Variants in FOXP2 observed in about 807,000 individuals in gnomAD.
FOXP2 encodes forkhead box P2.
FOXP2 carries 12 observed loss-of-function variants against 115.8 expected under a neutral mutation model. The ratio of observed to expected loss-of-function variants is 0.10; its 90% CI spans 0.07 to 0.17. The LOEUF is 0.17. Among genes scored for constraint, FOXP2 ranks in the 10% least tolerant of loss-of-function variants. The probability of loss-of-function intolerance (pLI) is 1.00; values close to 1 mark genes in which losing one functional copy is unlikely to be tolerated. For synonymous variants in FOXP2, 328 were observed against 297.7 expected, an observed-to-expected ratio of 1.10 and a Z score of -1.05; for missense variants, 629 against 843.5, an observed-to-expected ratio of 0.75 and a Z score of 3.15.
intron 1 of FOXP2, among the ~76,000 whole-genome samples, chr7:114,100,696 C>G (rs890099229): frequency 2.0e-5 from 3 of 152,042 alleles, no homozygotes; most frequent in African/African-American, 7.2e-5. Flanking sequence ...AAGAATAGAG[C>G]CTTTTTCATT....
intron 2 of FOXP2, among the ~76,000 whole-genome samples, chr7:114,293,354 T>C (rs1440877281): frequency 6.6e-6 from 1 of 152,132 alleles, no homozygotes; most frequent in Non-Finnish European, 1.5e-5. Context: ...TGACTTGCTC[T>C]GGGGGAGGCT....
chr7:114,534,141 C>G (rs543209578), intron 2 of FOXP2, among the ~76,000 whole-genome samples: 1 of 151,970 alleles, frequency 6.6e-6, no homozygotes, highest in African/African-American at 2.4e-5. Flanking sequence ...TGTTTTTAAT[C>G]TTTAGTGAAA....
chr7:114,574,166 G>A (rs1488940457), intron 3 of FOXP2, among the ~76,000 whole-genome samples: 3 of 151,624 alleles, frequency 2.0e-5, no homozygotes. Flanking sequence ...ATCTTTATGT[G>A]AAAATTGTGA....
intron 2 of FOXP2, among the ~76,000 whole-genome samples, chr7:114,377,081 ATAT>A (rs1223639916): frequency 6.6e-6 from 1 of 152,146 alleles, no homozygotes; most frequent in Non-Finnish European, 1.5e-5. Flanking sequence ...TTATTAAATA[ATAT>A]TATTATTAAT....
chr7:114,559,189 C>G (rs1800620980), intron 3 of FOXP2, among the ~76,000 whole-genome samples: 2 of 152,286 alleles, frequency 1.3e-5, no homozygotes, highest in South Asian at 4.1e-4. Flanking sequence ...ATAACTATAT[C>G]ACTTACAGGA....
chr7:114,230,957 A>G (rs1250423380), intron 1 of FOXP2, among the ~76,000 whole-genome samples: 1 of 135,744 alleles, frequency 7.4e-6, no homozygotes, highest in Non-Finnish European at 1.6e-5. Flanking sequence ...GATCTCATAT[A>G]TAGAAAACCC....
At chr7:114,343,967 G>T in intron 2 of FOXP2, among the ~76,000 whole-genome samples, 1 of 149,730 alleles carries the variant, frequency 6.7e-6, no homozygotes, top group Non-Finnish European at 1.5e-5. Flanking sequence ...CCTCATGAGA[G>T]CAGGGATTTT....
intron 1 of FOXP2, among the ~76,000 whole-genome samples, chr7:114,273,676 G>C (rs1348098837): frequency 6.6e-6 from 1 of 151,904 alleles, no homozygotes; most frequent in Non-Finnish European, 1.5e-5. Context: ...TTAGAGAATT[G>C]ACCCCTTTAA....
At chr7:114,652,416 C>A in intron 9 of FOXP2, 126 bp downstream of exon 9, 1 of 792,886 alleles carries the variant, frequency 1.3e-6, no homozygotes, top group South Asian at 1.5e-5. Context: ...AATGGAGATA[C>A]ATGATATTTT....
intron 13 of FOXP2, among the ~76,000 whole-genome samples, chr7:114,660,845 A>G (rs979917697): frequency 1.3e-5 from 2 of 152,162 alleles, no homozygotes; most frequent in Non-Finnish European, 2.9e-5. Context: ...GAAATGAAAG[A>G]TGATTTAATA....
intron 1 of FOXP2, among the ~76,000 whole-genome samples, chr7:114,123,982 CA>C (rs1343124177): frequency 2.6e-5 from 4 of 151,954 alleles, no homozygotes; most frequent in Admixed American, 2.0e-4. Context: ...GAAGAATTTA[CA>C]AAAGAGCCTG....
At chr7:114,463,413 A>G (rs546429608) in intron 2 of FOXP2, among the ~76,000 whole-genome samples, 40 of 152,370 alleles carry the variant, frequency 2.6e-4, no homozygotes, top group African/African-American at 9.1e-4. Flanking sequence ...TGAGCCCATG[A>G]AAGTGGCCAA....
intron 2 of FOXP2, among the ~76,000 whole-genome samples, chr7:114,348,296 C>T (rs1791396290): frequency 1.3e-5 from 2 of 152,126 alleles, no homozygotes; most frequent in South Asian, 2.1e-4. Context: ...GCTCACCAAG[C>T]TCACCATTCT....
chr7:114,538,278 G>T, intron 3 of FOXP2: 1 of 1,208,506 alleles, frequency 8.3e-7, no homozygotes. Flanking sequence ...ACTTAATTTA[G>T]TTTAGATATG....
At chr7:114,209,182 C>G (rs1332844328) in intron 1 of FOXP2, among the ~76,000 whole-genome samples, 1 of 152,112 alleles carries the variant, frequency 6.6e-6, no homozygotes, top group Admixed American at 6.6e-5. Context: ...ATAAGGGGGT[C>G]CCTCCTTTGC....
chr7:114,145,014 C>G (rs968258938), intron 1 of FOXP2, among the ~76,000 whole-genome samples: 3 of 152,122 alleles, frequency 2.0e-5, no homozygotes, highest in Non-Finnish European at 2.9e-5. Flanking sequence ...CCTTAAAATT[C>G]TTTGAACTAC....
At chr7:114,369,255 T>C (rs1791948775) in intron 2 of FOXP2, among the ~76,000 whole-genome samples, 1 of 152,218 alleles carries the variant, frequency 6.6e-6, no homozygotes, top group Non-Finnish European at 1.5e-5. Context: ...AGCAAGTAAG[T>C]AAAGTCAGCC....
chr7:114,415,861 T>C (rs1386429361), intron 1 of FOXP2, among the ~76,000 whole-genome samples: 2 of 152,002 alleles, frequency 1.3e-5, no homozygotes, highest in Admixed American at 6.6e-5. Context: ...TGTACAAACA[T>C]GAAAGGAGTC....
intron 1 of FOXP2, among the ~76,000 whole-genome samples, chr7:114,214,222 G>C (rs1015139511): frequency 6.6e-6 from 1 of 152,126 alleles, no homozygotes; most frequent in Admixed American, 6.5e-5. Flanking sequence ...GGCACAGAGA[G>C]ATTAGATGAC....
Sources: gnomAD v4.1 joint callset for allele counts (sites outside exome capture counted in the v4.1 genomes callset) on GRCh38, gnomAD v4.1.1 for gene constraint, MANE v1.5 for transcripts, NCBI Gene and HGNC (gene_info 2026-07-23, HGNC 2026-07-21) for gene names.